AKAP19: variants seen among roughly 807,000 people sequenced by gnomAD.
The protein encoded by AKAP19 is small A-kinase anchoring protein.
the AKAP19 span, among the ~76,000 whole-genome samples, chr2:190,121,646 G>T: frequency 1.3e-5 from 2 of 151,966 alleles, no homozygotes; most frequent in Admixed American, 1.3e-4. Flanking sequence ...TATGCTTTTG[G>T]GGATTAAGGA....
At chr2:190,070,449 A>T in the AKAP19 span, among the ~76,000 whole-genome samples, 3,682 of 151,822 alleles carry the variant, frequency 0.024, 156 homozygotes, top group East Asian at 0.18. Flanking sequence ...TATAGTTTAA[A>T]AAAAAAAAAA....
At chr2:189,961,179 A>G in the AKAP19 span, among the ~76,000 whole-genome samples, 1 of 152,162 alleles carries the variant, frequency 6.6e-6, no homozygotes, top group South Asian at 2.1e-4. Flanking sequence ...CCAGCCTTAT[A>G]GAAGAGAAGG....
the AKAP19 span, among the ~76,000 whole-genome samples, chr2:190,043,451 T>C: frequency 6.6e-6 from 1 of 152,186 alleles, no homozygotes; most frequent in Non-Finnish European, 1.5e-5. Context: ...CTTCAGGTTG[T>C]GAGAGTCTTC....
the AKAP19 span, among the ~76,000 whole-genome samples, chr2:190,160,831 A>C: frequency 6.6e-6 from 1 of 152,202 alleles, no homozygotes; most frequent in Non-Finnish European, 1.5e-5. Context: ...TAAGAATTGC[A>C]TGGATAAGTA....
the AKAP19 span, among the ~76,000 whole-genome samples, chr2:189,907,590 T>C: frequency 1.8e-4 from 27 of 152,272 alleles, 1 homozygote; most frequent in East Asian, 5.2e-3. Flanking sequence ...GAAACTAAAC[T>C]TCATGATGAT....
the AKAP19 span, among the ~76,000 whole-genome samples, chr2:189,936,345 A>T: frequency 2.0e-5 from 3 of 152,042 alleles, no homozygotes; most frequent in East Asian, 1.9e-4. Context: ...GTAAAATTTT[A>T]AAAACTGTCA....
the AKAP19 span, among the ~76,000 whole-genome samples, chr2:190,002,051 C>G: frequency 3.3e-5 from 5 of 152,196 alleles, no homozygotes; most frequent in South Asian, 8.3e-4. Context: ...TGCCATTTCT[C>G]ACATCCTGCC....
the AKAP19 span, among the ~76,000 whole-genome samples, chr2:189,940,111 C>G: frequency 1.3e-5 from 2 of 152,102 alleles, no homozygotes; most frequent in Non-Finnish European, 2.9e-5. Context: ...AACCCTGTCT[C>G]CACTAAAAAT....
At chr2:189,904,121 G>A in the AKAP19 span, among the ~76,000 whole-genome samples, 1 of 152,060 alleles carries the variant, frequency 6.6e-6, no homozygotes, top group Non-Finnish European at 1.5e-5. Context: ...TGTATAGCTT[G>A]AAATAAGTTT....
the AKAP19 span, among the ~76,000 whole-genome samples, chr2:190,002,509 T>C: frequency 6.6e-6 from 1 of 152,004 alleles, no homozygotes; most frequent in Non-Finnish European, 1.5e-5. Context: ...AACCTGCACA[T>C]AGTGCACATG....
chr2:189,980,076 A>G, the AKAP19 span, among the ~76,000 whole-genome samples: 1 of 152,182 alleles, frequency 6.6e-6, no homozygotes, highest in East Asian at 1.9e-4. Context: ...CTACCCAAAG[A>G]AAAGGACATC....
the AKAP19 span, among the ~76,000 whole-genome samples, chr2:190,026,148 G>A: frequency 1.4e-4 from 21 of 152,126 alleles, no homozygotes; most frequent in African/African-American, 4.8e-4. Context: ...TTGCATTGCA[G>A]TGATTTGTGT....
chr2:190,121,162 G>A, the AKAP19 span, among the ~76,000 whole-genome samples: 1 of 147,682 alleles, frequency 6.8e-6, no homozygotes, highest in South Asian at 2.1e-4. Context: ...CACCCAGGCT[G>A]GAGTGCAGTG....
the AKAP19 span, among the ~76,000 whole-genome samples, chr2:190,084,728 G>A: frequency 6.6e-6 from 1 of 152,140 alleles, no homozygotes; most frequent in East Asian, 1.9e-4. Context: ...AAGGGACACG[G>A]GAGTACGATA....
At chr2:190,046,416 T>C in the AKAP19 span, among the ~76,000 whole-genome samples, 17 of 152,248 alleles carry the variant, frequency 1.1e-4, no homozygotes, top group Admixed American at 3.3e-4. Context: ...CAGACCTTTA[T>C]CACTTCTCCC....
the AKAP19 span, among the ~76,000 whole-genome samples, chr2:190,099,614 T>C: frequency 6.6e-6 from 1 of 152,178 alleles, no homozygotes; most frequent in Admixed American, 6.5e-5. Flanking sequence ...AGCATGTTGT[T>C]GAAAAATGGT....
chr2:189,978,761 A>G, the AKAP19 span, among the ~76,000 whole-genome samples: 60 of 152,280 alleles, frequency 3.9e-4, no homozygotes, highest in African/African-American at 1.4e-3. Flanking sequence ...GTGGTATTCC[A>G]TGGTGTAGGA....
chr2:189,912,306 C>T, the AKAP19 span, among the ~76,000 whole-genome samples: 1 of 151,930 alleles, frequency 6.6e-6, no homozygotes, highest in Non-Finnish European at 1.5e-5. Flanking sequence ...TTTGGGAGGC[C>T]GAGGTGGGTG....
the AKAP19 span, among the ~76,000 whole-genome samples, chr2:190,176,114 AG>A: frequency 6.6e-6 from 1 of 152,228 alleles, no homozygotes; most frequent in Non-Finnish European, 1.5e-5. This position sits in a 1 kb window ranked among gnomAD's most constrained non-coding sequence, Gnocchi z 4.7. Context: ...CTGTCACAGT[AG>A]CACAGAATGG....
Sources: gnomAD v4.1 joint callset for allele counts (sites outside exome capture counted in the v4.1 genomes callset) on GRCh38, gnomAD v4.1.1 for gene constraint, Gnocchi (gnomAD v3.1) non-coding constraint, MANE v1.5 for transcripts, NCBI Gene and HGNC (gene_info 2026-07-23, HGNC 2026-07-21) for gene names.